Variants in GGT5 observed in about 807,000 individuals in gnomAD.
GGT5 encodes the protein gamma-glutamyltransferase 5.
GGT5 carries 50 observed loss-of-function variants against 58.1 expected under a neutral mutation model. The ratio of observed to expected loss-of-function variants is 0.86; its 90% CI spans 0.69 to 1.09. GGT5 has a LOEUF of 1.09. Among genes scored for constraint, GGT5 ranks in the 50% least tolerant of loss-of-function variants. The probability of loss-of-function intolerance (pLI) is 0.00; values close to 1 mark genes in which losing one functional copy is unlikely to be tolerated. For synonymous variants in GGT5, 370 were observed against 346.1 expected (o/e 1.07, Z -0.77); for missense variants, 800 against 789.4 (o/e 1.01, Z -0.16).
intron 11 of GGT5, among the ~76,000 whole-genome samples, chr22:24,223,745 G>C (rs1002534848): frequency 1.3e-4 from 19 of 148,334 alleles, no homozygotes; most frequent in African/African-American, 4.7e-4. Context: ...AACCTCAGCT[G>C]CTATCAATCT....
rs749072216 is a variant in GGT5 at position 24,226,099 on chromosome 22, A to AGCCAC, written c.1201_1205dup (p.Ala403TrpfsTer46). The stretch of plus-strand genomic sequence containing the variant: ...ACGGTGTGTTGATGGTGCTGGTGGC[A>AGCCAC]GCCACGGCGCTGCCATCCTCCCCCA... On this transcript the variant is annotated frameshift_variant, in exon 8 of 12. Transcript: ENST00000327365. LOFTEE classifies it high-confidence loss of function. The AGCCAC allele has an allele frequency of 6.2e-7, 1 of 1,603,192 alleles. No homozygotes were observed. The highest frequency in any genetic ancestry group is 1.1e-5 in the South Asian group (1 of 90,290).
At chr22:24,239,967 TC>T (rs1275973715) in intron 1 of GGT5, among the ~76,000 whole-genome samples, 1 of 152,072 alleles carries the variant, frequency 6.6e-6, no homozygotes. Flanking sequence ...ACACCAGTGG[TC>T]CCAGCTACTC....
chr22:24,232,526 C>T (rs2047975632), intron 4 of GGT5, among the ~76,000 whole-genome samples: 3 of 152,064 alleles, frequency 2.0e-5, no homozygotes, highest in South Asian at 4.1e-4. Context: ...AGTTGAAGCC[C>T]TCCTGCCATG....
rs546470794 is a variant in GGT5, at chr22:24,226,226, A to T, written c.1079T>A (p.Leu360His). The change falls in exon 8 of 12, where the codon CTC becomes CAC. Residue 360 changes from leucine to histidine, a missense_variant. Transcript: ENST00000327365. Reference protein sequence around the residue: ...RDLLGETLAQLIRQQIDGRGD... With the variant: ...RDLLGETLAQHIRQQIDGRGD... ...CCGGCCATCGATCTGTTGGCGGATG[A>T]GCTGGGCCAGGGTCTCCCCCAGCAG... 2.8e-5 allele frequency: 45 copies of T among 1,608,500 alleles called. 1 individual carries two copies. In the South Asian group the frequency reaches 4.6e-4, roughly 17 times the overall value.
In GGT5 at chr22:24,232,047, T is replaced by A. The variant is rs762783959; in HGVS notation, c.754+4A>T. On this transcript the variant is annotated splice_donor_region_variant and intron_variant, in intron 5 of 11. Coordinates refer to ENST00000327365, the MANE Select transcript of GGT5 (RefSeq NM_004121.5). ...ATGGGGTATGGAACCTCAGGGAGGC[T>A]GACCTTCCTTGGCAATGTCCTCCAC... The A allele has an allele frequency of 6.2e-7, 1 of 1,612,408 alleles. No individual in the cohort carries two copies. Among genetic ancestry groups the A allele is most frequent in the Non-Finnish European group, 8.5e-7 (1 of 1,178,856 alleles).
intron 1 of GGT5, among the ~76,000 whole-genome samples, chr22:24,238,845 AT>A (rs1206493526): frequency 2.3e-4 from 3 of 13,034 alleles, no homozygotes; most frequent in Non-Finnish European, 3.5e-4. Context: ...ATATATATAT[AT>A]TATATATATT....
At position 24,232,883 on chromosome 22, in the gene GGT5, A is replaced by G. The variant is rs539379629; in HGVS notation, c.536T>C (p.Val179Ala). The change falls in exon 4 of 12, where the codon GTC becomes GCC. Residue 179 changes from valine to alanine, a missense_variant. By Grantham distance (64) the Val-to-Ala change is moderately conservative (BLOSUM62 0). Transcript: ENST00000327365. ...LLRGGHVVAPVLSRFLHNSIL... is the reference protein window; with the variant it reads ...LLRGGHVVAPALSRFLHNSIL... ...GCTGTTGTGCAGGAAACGGCTGAGGACAGGGGCCACCACATGCCCCCCTCG... is the reference window on the plus strand; with the variant it reads ...GCTGTTGTGCAGGAAACGGCTGAGGGCAGGGGCCACCACATGCCCCCCTCG... 1.5e-5 allele frequency: 24 copies of G among 1,584,704 alleles called. No homozygotes were observed. Among genetic ancestry groups the G allele is most frequent in the Admixed American group, 3.6e-5 (2 of 56,208 alleles).
At chr22:24,239,962 A>G (rs5751821) in intron 1 of GGT5, among the ~76,000 whole-genome samples, 1 of 151,846 alleles carries the variant, frequency 6.6e-6, no homozygotes, top group Admixed American at 6.6e-5. Flanking sequence ...GGTGCACACC[A>G]GTGGTCCCAG....
intron 1 of GGT5, chr22:24,243,589 T>C (rs1055983573): frequency 6.6e-6 from 1 of 152,300 alleles, no homozygotes; most frequent in Non-Finnish European, 1.5e-5. Context: ...ACAGAACTTC[T>C]GGGAAGCAGA....
intron 11 of GGT5, among the ~76,000 whole-genome samples, chr22:24,222,313 C>G (rs1422270408): frequency 6.6e-6 from 1 of 152,188 alleles, no homozygotes; most frequent in Non-Finnish European, 1.5e-5. Flanking sequence ...GAGCTGCTGA[C>G]AGGGCAAATG....
In GGT5 at chr22:24,232,915, C is replaced by A; in HGVS notation, c.504G>T (p.Ala168=). ...CCACCACATGCCCCCCTCGGAGCAG[C>A]GCGATGGTGGGCTGGAACAGCTGCG... is the stretch of plus-strand genomic sequence containing the variant. ...PWAQLFQPTI[A]LLRGGHVVAP... The change falls in exon 4 of 12, where the codon GCG becomes GCT. Residue 168 remains alanine, a synonymous_variant. Transcript: ENST00000327365. 6.3e-7 allele frequency: 1 copy of A among 1,580,300 alleles called. No homozygotes were observed. The highest frequency in any genetic ancestry group is 8.6e-7 in the Non-Finnish European group (1 of 1,163,010).
intron 8 of GGT5, 83 bp from the exon 9 acceptor site, chr22:24,225,735 C>A (rs71318962): frequency 0.048 from 40,009 of 832,864 alleles, 1,222 homozygotes; most frequent in South Asian, 0.073. Context: ...TTTGCAGGAC[C>A]CCCTCGTTTT....
At chr22:24,228,351 A>C (rs1421123793) in intron 6 of GGT5, among the ~76,000 whole-genome samples, 2 of 152,146 alleles carry the variant, frequency 1.3e-5, no homozygotes, top group Non-Finnish European at 2.9e-5. Flanking sequence ...TCTTACACAA[A>C]AAATACTTCT....
chr22:24,244,407 C>T lies in GGT5; in HGVS notation c.173+146G>A, dbSNP rs1205438580. On this transcript the variant is annotated intron_variant, in intron 1 of 11. Coordinates refer to ENST00000327365, the MANE Select transcript of GGT5 (RefSeq NM_004121.5). ...TCACACTCACATACACTCACACACA[C>T]CCACACATGCATGCAATCACACATA... is the stretch of plus-strand genomic sequence containing the variant. The T allele has an allele frequency of 8.4e-6, 6 of 717,236 alleles. No individual in the cohort carries two copies. Among genetic ancestry groups the T allele is most frequent in the Admixed American group, 2.3e-5 (1 of 43,474 alleles). 44.4% of individuals were successfully genotyped at this position (717,236 alleles called of 1,614,324 possible). A position where few individuals can be genotyped will look rare whatever the true frequency, so the allele number is the denominator to read the frequency against.
In GGT5 at chr22:24,219,955, G is replaced by C. The variant is rs746333084; in HGVS notation, c.*15C>G. The C allele has an allele frequency of 6.2e-7, 1 of 1,613,382 alleles. No individual in the cohort carries two copies. Among genetic ancestry groups the C allele is most frequent in the East Asian group, 2.2e-5 (1 of 44,872 alleles). On this transcript the variant is annotated 3_prime_UTR_variant, in exon 12 of 12. Coordinates refer to ENST00000327365, the MANE Select transcript of GGT5 (RefSeq NM_004121.5). ...CATGGTGGGGCCAGACTTCAGCTCT[G>C]GGCAGAGCAGTGTCTTAGTAGCCTG...
At chr22:24,237,007 C>CTTTTTTTTTTTTTTTTTCTTT (rs35060391) in intron 1 of GGT5, among the ~76,000 whole-genome samples, 1 of 131,122 alleles carries the variant, frequency 7.6e-6, no homozygotes, top group African/African-American at 2.8e-5. Flanking sequence ...TCTTTTCTCT[C>CTTTTTTTTTTTTTTTTTCTTT]TTTTTTTTTT....
intron 1 of GGT5, among the ~76,000 whole-genome samples, chr22:24,238,789 ATATAT>A (rs1569371208): frequency 0.081 from 1,073 of 13,316 alleles, 101 homozygotes; most frequent in Admixed American, 0.1. Flanking sequence ...AATATATATT[ATATAT>A]TTATATATAT....
chr22:24,242,696 C>T (rs942239698), intron 1 of GGT5: 2 of 152,352 alleles, frequency 1.3e-5, no homozygotes, highest in Non-Finnish European at 2.9e-5. Context: ...GGAGCATGGG[C>T]TTCTGGTGGC....
At position 24,232,111 on chromosome 22, in the gene GGT5, C is replaced by T. The variant is rs149104237; in HGVS notation, c.694G>A (p.Val232Met). 30 of 1,612,282 alleles carry T rather than the reference C, an allele frequency of 1.9e-5. No individual in the cohort carries two copies. Among genetic ancestry groups the T allele is most frequent in the Middle Eastern group, 3.3e-4 (2 of 6,078 alleles). Residue 232 changes from valine (V) to methionine (M), a missense_variant, in exon 5 of 12, where the codon GTG becomes ATG. Val to Met is a conservative substitution (Grantham distance 21, BLOSUM62 1). Coordinates refer to ENST00000327365, the MANE Select transcript of GGT5 (RefSeq NM_004121.5). ...TTLETVATEG[V>M]EVFYTGRLGQ... ...AGCCTCCCCGTGTAGAAGACCTCCA[C>T]GCCCTCTGTGGCCACGGTCTCCAGG...
Sources: gnomAD v4.1 joint callset for allele counts (sites outside exome capture counted in the v4.1 genomes callset) on GRCh38, gnomAD v4.1.1 for gene constraint, MANE v1.5 for transcripts, NCBI Gene and HGNC (gene_info 2026-07-23, HGNC 2026-07-21) for gene names.